The following PRKN variants were observed in gnomAD, a reference collection of about 807,000 sequenced individuals.
PRKN encodes E3 ubiquitin-protein ligase parkin.
In PRKN, 56 loss-of-function variants were observed where a neutral mutation model predicts 59.5. That is an observed-to-expected ratio of 0.94 (90% CI 0.76 to 1.18). The LOEUF (loss-of-function observed/expected upper bound fraction) is 1.18, where lower values mean the gene tolerates loss of function less well. Among genes scored for constraint, PRKN ranks in the 50% most tolerant of loss-of-function variants. The probability of loss-of-function intolerance (pLI) is 0.00; values close to 1 mark genes in which losing one functional copy is unlikely to be tolerated. For missense variants in PRKN, 657 were observed against 596.4 expected, an observed-to-expected ratio of 1.10 and a Z score of -1.06; for synonymous variants, 250 against 222.1, an observed-to-expected ratio of 1.13 and a Z score of -1.12.
At chr6:161,583,446 T>A (rs1290723851) in intron 7 of PRKN, among the ~76,000 whole-genome samples, 1 of 152,186 alleles carries the variant, frequency 6.6e-6, no homozygotes, top group Non-Finnish European at 1.5e-5. Context: ...GGTGTCAGAT[T>A]ATCATTTCCA....
At chr6:161,708,953 A>G (rs1312837014) in intron 7 of PRKN, among the ~76,000 whole-genome samples, 1 of 152,246 alleles carries the variant, frequency 6.6e-6, no homozygotes, top group African/African-American at 2.4e-5. Flanking sequence ...AAGGTTACAC[A>G]TCTGTGCTGT....
intron 7 of PRKN, among the ~76,000 whole-genome samples, chr6:161,713,749 T>C (rs928680193): frequency 2.0e-5 from 3 of 152,120 alleles, no homozygotes; most frequent in Non-Finnish European, 2.9e-5. Flanking sequence ...CGTGGTATGG[T>C]TTGACTCTGT....
At chr6:162,081,009 G>A (rs2023057) in intron 4 of PRKN, among the ~76,000 whole-genome samples, 61,115 of 151,804 alleles carry the variant, frequency 0.4, 13,329 homozygotes, top group East Asian at 0.6. Flanking sequence ...CTCCTCATCC[G>A]TTCATATTTT....
Position 162,351,637 on chromosome 6 carries a change from C to T in PRKN, c.172-88872G>A, listed in dbSNP as rs189877276. Among the ~76,000 whole-genome samples the T allele has an allele frequency of 5.0e-4, 76 of 152,196 alleles. 1 individual carries two copies. The highest frequency in any genetic ancestry group is 1.8e-3 in the African/African-American group (74 of 41,522). On this transcript the variant is annotated intron_variant, in intron 2 of 11. Coordinates refer to ENST00000366898, the MANE Select transcript of PRKN (RefSeq NM_004562.3). ...ACAAATGTCCAGCTTTACATGTACT[C>T]GTCAAAACCTATTTAAACCCAAATG...
intron 7 of PRKN, among the ~76,000 whole-genome samples, chr6:161,590,663 G>A (rs996714299): frequency 1.3e-5 from 2 of 151,820 alleles, no homozygotes; most frequent in Non-Finnish European, 1.5e-5. Context: ...AACCCAGGAG[G>A]TGGAGGTTGT....
chr6:162,156,428 GC>G (rs1414994723), intron 4 of PRKN, among the ~76,000 whole-genome samples: 1 of 152,208 alleles, frequency 6.6e-6, no homozygotes, highest in African/African-American at 2.4e-5. Context: ...AAGTAGGGAA[GC>G]TGACAGTGCA....
rs1265490607 is a variant in PRKN, at chr6:161,480,550, G to A, written c.1083+68304C>T. 1.3e-5 allele frequency among the ~76,000 whole-genome samples: 2 copies of A among 152,164 alleles called. No individual in the cohort carries two copies. Among genetic ancestry groups the A allele is most frequent in the Admixed American group, 1.3e-4 (2 of 15,280 alleles). ...TTGGTATTAATAACACTGCGATGATGGGTCTTTTGTGCATTCCTGGTTCTG... is the reference window on the plus strand; with the variant it reads ...TTGGTATTAATAACACTGCGATGATAGGTCTTTTGTGCATTCCTGGTTCTG... On this transcript the variant is annotated intron_variant, in intron 9 of 11. Transcript: ENST00000366898. This position sits in a 1 kb window ranked among gnomAD's most constrained non-coding sequence, Gnocchi z 4.1.
rs1304557844 is a variant in PRKN at position 162,544,389 on chromosome 6, G to C, written c.8-100916C>G. Among the ~76,000 whole-genome samples, 4 of 152,248 alleles carry C rather than the reference G, an allele frequency of 2.6e-5. No homozygotes were observed. In the East Asian group the frequency reaches 7.8e-4, roughly 30 times the overall value. On this transcript the variant is annotated intron_variant, in intron 1 of 11. Transcript: ENST00000366898. ...ATTAAATAGAGATTCTAAGTCATGT[G>C]AGGGGGCAGCCAGGAAAAAGGGATG...
At chr6:162,528,609 A>G (rs1228547011) in intron 1 of PRKN, among the ~76,000 whole-genome samples, 1 of 152,162 alleles carries the variant, frequency 6.6e-6, no homozygotes, top group Non-Finnish European at 1.5e-5. Context: ...TCTGGAAGCT[A>G]AGACATTACT....
intron 6 of PRKN, among the ~76,000 whole-genome samples, chr6:161,804,426 G>A (rs1476450177): frequency 2.0e-5 from 3 of 152,160 alleles, no homozygotes; most frequent in Admixed American, 6.5e-5. Flanking sequence ...GGAAGGCAAG[G>A]CTGGTGGCCT....
At position 161,503,922 on chromosome 6, in the gene PRKN, G is replaced by C. The variant is rs748861531; in HGVS notation, c.1083+44932C>G. On this transcript the variant is annotated intron_variant, in intron 9 of 11. Transcript: ENST00000366898. The surrounding 1 kb of genome is among the most constrained non-coding windows in gnomAD (Gnocchi z 5.1). ...TTGATCATTGAGACACCCTAGACAG[G>C]GGGAAAGCATTGAAGAACCTCTGTG... is the stretch of plus-strand genomic sequence containing the variant. 1.3e-5 allele frequency among the ~76,000 whole-genome samples: 2 copies of C among 152,140 alleles called. No homozygotes were observed. Among genetic ancestry groups the C allele is most frequent in the African/African-American group, 4.8e-5 (2 of 41,416 alleles).
At chr6:162,083,737 T>C (rs1779150475) in intron 4 of PRKN, among the ~76,000 whole-genome samples, 2 of 152,066 alleles carry the variant, frequency 1.3e-5, no homozygotes, top group Non-Finnish European at 2.9e-5. Context: ...AATAACTTGA[T>C]GCCAGAAGGA....
chr6:162,143,202 CAA>C lies in PRKN; in HGVS notation c.534+57927_534+57928del, dbSNP rs544712639. 1.2e-3 allele frequency among the ~76,000 whole-genome samples: 178 copies of C among 152,298 alleles called. 1 individual carries two copies. The highest frequency in any genetic ancestry group is 4.1e-3 in the African/African-American group (169 of 41,566). On this transcript the variant is annotated intron_variant, in intron 4 of 11. Transcript: ENST00000366898. ...ATGGCCACCCACAACACTAGATTTC[CAA>C]GTCTCCCTTGCAGCTAGAAGTATCA...
chr6:162,653,308 G>A (rs892195590), intron 1 of PRKN, among the ~76,000 whole-genome samples: 1 of 89,382 alleles, frequency 1.1e-5, no homozygotes, highest in Non-Finnish European at 2.2e-5. Context: ...TTCAGAATGG[G>A]AGTTTGTGTT....
intron 1 of PRKN, among the ~76,000 whole-genome samples, chr6:162,472,647 C>T (rs1791814253): frequency 8.0e-6 from 1 of 125,754 alleles, no homozygotes; most frequent in African/African-American, 2.9e-5. Context: ...GCCACCACGC[C>T]CGGCTAATTT....
At chr6:162,403,948 GTT>G (rs923518817) in intron 2 of PRKN, among the ~76,000 whole-genome samples, 1 of 152,070 alleles carries the variant, frequency 6.6e-6, no homozygotes. Flanking sequence ...AGGCTTACCT[GTT>G]TTTTTCATGG....
rs552185355 is a variant in PRKN, at chr6:162,001,022, C to T, written c.619-27605G>A. Among the ~76,000 whole-genome samples, 6 of 152,080 alleles carry T rather than the reference C, an allele frequency of 3.9e-5. No individual in the cohort carries two copies. In the South Asian group the frequency reaches 1.2e-3, roughly 32 times the overall value. On this transcript the variant is annotated intron_variant, in intron 5 of 11. Coordinates refer to ENST00000366898, the MANE Select transcript of PRKN (RefSeq NM_004562.3). ...CGATTTGTCTATTCTTTTACTATTA[C>T]CACACTGTTTTGATTACTGTAGTTT... is the stretch of plus-strand genomic sequence containing the variant.
At chr6:162,555,969 G>A (rs570590128) in intron 1 of PRKN, among the ~76,000 whole-genome samples, 5 of 78,480 alleles carry the variant, frequency 6.4e-5, no homozygotes, top group Admixed American at 5.5e-4. Flanking sequence ...CAACAAGAGC[G>A]AAACTCCATC....
intron 7 of PRKN, among the ~76,000 whole-genome samples, chr6:161,637,477 T>C (rs1783568272): frequency 1.3e-5 from 2 of 151,988 alleles, no homozygotes; most frequent in South Asian, 4.1e-4. Flanking sequence ...CATAATTTAA[T>C]GTCTCTGGCC....
Sources: gnomAD v4.1 joint callset for allele counts (sites outside exome capture counted in the v4.1 genomes callset) on GRCh38, gnomAD v4.1.1 for gene constraint, Gnocchi (gnomAD v3.1) non-coding constraint, MANE v1.5 for transcripts, NCBI Gene and HGNC (gene_info 2026-07-23, HGNC 2026-07-21) for gene names.